Variants in FSTL1 observed in about 807,000 individuals in gnomAD.
The protein encoded by FSTL1 is follistatin-related protein 1.
Under a neutral mutation model 45.9 loss-of-function variants are expected in FSTL1, and 24 were observed. The ratio of observed to expected loss-of-function variants is 0.52; its 90% confidence interval spans 0.38 to 0.74. FSTL1 has a LOEUF of 0.74. Among genes scored for constraint, FSTL1 ranks in the 30% least tolerant of loss-of-function variants. The pLI, the probability that FSTL1 is intolerant of heterozygous loss-of-function variation, is 0.00. For missense variants in FSTL1, 340 were observed against 381.8 expected (o/e 0.89, Z 0.91); for synonymous variants, 120 against 137.6 (o/e 0.87, Z 0.89).
At chr3:120,410,077 A>C (rs1404898711) in intron 5 of FSTL1, 1 of 160,728 alleles carries the variant, frequency 6.2e-6, no homozygotes, top group Non-Finnish European at 1.4e-5. Context: ...GATTTTCTCC[A>C]GTTTCTCCCT....
chr3:120,402,876 G>A lies in FSTL1; in HGVS notation c.737C>T (p.Thr246Ile), dbSNP rs757536872. The part of the protein sequence containing the change: ...EDETYADGAE[T>I]EVDCNRCVCA... ...GACACAGCGGTTACAGTCCACCTCGGTCTCAGCTCCATCTGCATACGTTTC... is the reference window on the plus strand; with the variant it reads ...GACACAGCGGTTACAGTCCACCTCGATCTCAGCTCCATCTGCATACGTTTC... The change falls in exon 9 of 11, where the codon ACC (threonine) becomes ATC (isoleucine). Residue 246 changes from threonine to isoleucine, a missense_variant. Thr to Ile is a moderately conservative substitution (Grantham distance 89). Transcript: ENST00000295633. The A allele has an allele frequency of 6.8e-6, 11 of 1,613,398 alleles. No homozygotes were observed. The highest frequency in any genetic ancestry group is 1.7e-5 in the Admixed American group (1 of 59,996).
chr3:120,409,782 G>A (rs532281187), intron 5 of FSTL1, 120 bp from the exon 6 acceptor site: 29 of 833,526 alleles, frequency 3.5e-5, no homozygotes, highest in African/African-American at 5.1e-5. Flanking sequence ...CAGCAACACA[G>A]GGAGATAGGA....
chr3:120,422,521 A>G (rs1168416410), intron 2 of FSTL1, among the ~76,000 whole-genome samples: 1 of 152,164 alleles, frequency 6.6e-6, no homozygotes, highest in Non-Finnish European at 1.5e-5. Flanking sequence ...ATAAACAAAA[A>G]TTATTTTAAA....
At chr3:120,416,778 T>G (rs979510399) in intron 2 of FSTL1, among the ~76,000 whole-genome samples, 1 of 152,182 alleles carries the variant, frequency 6.6e-6, no homozygotes, top group East Asian at 1.9e-4. Context: ...TGCCTGAAAG[T>G]AGAACTATTC....
At chr3:120,450,477 G>A (rs1013375377) in intron 2 of FSTL1, among the ~76,000 whole-genome samples, 4 of 152,140 alleles carry the variant, frequency 2.6e-5, no homozygotes, top group East Asian at 1.9e-4. Flanking sequence ...CGGGGCTCCC[G>A]CTTACGGCCC....
intron 2 of FSTL1, among the ~76,000 whole-genome samples, chr3:120,433,686 G>A (rs951954300): frequency 1.3e-5 from 2 of 152,226 alleles, no homozygotes; most frequent in Admixed American, 1.3e-4. Flanking sequence ...GGAAAATAGA[G>A]TATGTATGAC....
intron 2 of FSTL1, among the ~76,000 whole-genome samples, chr3:120,422,578 A>C (rs1329893414): frequency 6.6e-6 from 1 of 152,348 alleles, no homozygotes; most frequent in South Asian, 2.1e-4. Flanking sequence ...CAACAGTGGC[A>C]CTTCGGATGT....
intron 2 of FSTL1, chr3:120,419,369 G>A (rs1288020353): frequency 6.6e-6 from 1 of 152,244 alleles, no homozygotes; most frequent in Non-Finnish European, 1.5e-5. Context: ...TTGTGCCATT[G>A]AAAGCTCTTC....
At chr3:120,446,180 T>C (rs1406233481) in intron 2 of FSTL1, among the ~76,000 whole-genome samples, 1 of 152,226 alleles carries the variant, frequency 6.6e-6, no homozygotes. Flanking sequence ...ATGTGATCAC[T>C]GGTAATTTAC....
chr3:120,450,737 G>C lies in FSTL1; in HGVS notation c.10C>G (p.Arg4Gly). Residue 4 changes from arginine (R) to glycine (G), a missense_variant, in exon 2 of 11, where the codon CGC becomes GGC. By Grantham distance (125) the Arg-to-Gly change is moderately radical. Transcript: ENST00000295633. MWK[R>G]WLALALALVA... ...AGCGCGAGCGCGAGCGCGAGCCAGC[G>C]TTTCCACATCTGCGGAAGAGAGAAG... 6.3e-7 allele frequency: 1 copy of C among 1,579,702 alleles called. No individual in the cohort carries two copies. The highest frequency in any genetic ancestry group is 1.7e-5 in the Admixed American group (1 of 57,794).
intron 7 of FSTL1, among the ~76,000 whole-genome samples, chr3:120,404,013 G>A (rs1251943465): frequency 1.4e-5 from 2 of 145,396 alleles, no homozygotes; most frequent in South Asian, 2.2e-4. Context: ...AAAAAACTCA[G>A]CTCCATCACT....
chr3:120,430,976 G>T (rs1253815436), intron 2 of FSTL1, among the ~76,000 whole-genome samples: 1 of 152,108 alleles, frequency 6.6e-6, no homozygotes, highest in Non-Finnish European at 1.5e-5. Flanking sequence ...TTTCTAGTAG[G>T]TACATTTTTT....
chr3:120,445,225 T>A (rs1200872365), intron 2 of FSTL1, among the ~76,000 whole-genome samples: 1 of 149,906 alleles, frequency 6.7e-6, no homozygotes, highest in Non-Finnish European at 1.5e-5. Context: ...TTGCTGCACA[T>A]CCTTGTAGCT....
chr3:120,407,889 C>G (rs1105220), intron 6 of FSTL1, among the ~76,000 whole-genome samples: 1 of 152,072 alleles, frequency 6.6e-6, no homozygotes, highest in African/African-American at 2.4e-5. Context: ...CAGAAGGGAG[C>G]CTGTAAAAGT....
chr3:120,425,589 G>A (rs1329294303), intron 2 of FSTL1, among the ~76,000 whole-genome samples: 1 of 152,150 alleles, frequency 6.6e-6, no homozygotes, highest in Non-Finnish European at 1.5e-5. Context: ...GGTTATAGAT[G>A]ATGCCTAAGT....
At chr3:120,403,958 AAACAAAAACAAAAAC>A (rs1224611109) in intron 7 of FSTL1, among the ~76,000 whole-genome samples, 18 of 61,442 alleles carry the variant, frequency 2.9e-4, no homozygotes, top group African/African-American at 1.2e-3. Context: ...AAACAAAACA[AAACAAAAACAAAAAC>A]AAAAAAAAAC....
At chr3:120,448,938 G>T (rs1447510156) in intron 2 of FSTL1, among the ~76,000 whole-genome samples, 1 of 152,192 alleles carries the variant, frequency 6.6e-6, no homozygotes, top group African/African-American at 2.4e-5. Flanking sequence ...TTCACACACT[G>T]GCTGGCAATT....
At chr3:120,425,444 G>C (rs1937359869) in intron 2 of FSTL1, among the ~76,000 whole-genome samples, 2 of 151,996 alleles carry the variant, frequency 1.3e-5, no homozygotes, top group African/African-American at 4.8e-5. Context: ...AGGCAGTGAT[G>C]TCCTGTGTAA....
intron 2 of FSTL1, among the ~76,000 whole-genome samples, chr3:120,447,921 G>T (rs1162688553): frequency 6.6e-6 from 1 of 152,180 alleles, no homozygotes; most frequent in African/African-American, 2.4e-5. Context: ...AAAGTGCTGG[G>T]ATTACAGGCA....
Sources: gnomAD v4.1 joint callset for allele counts (sites outside exome capture counted in the v4.1 genomes callset) on GRCh38, gnomAD v4.1.1 for gene constraint, MANE v1.5 for transcripts, NCBI Gene and HGNC (gene_info 2026-07-23, HGNC 2026-07-21) for gene names.